Variants in BPNT1 observed in about 807,000 individuals in gnomAD.
BPNT1 encodes the protein 3'(2'), 5'-bisphosphate nucleotidase 1, also known as 3'(2'),5'-bisphosphate nucleotidase 1.
BPNT1 carries 28 observed loss-of-function variants against 36.9 expected under a neutral mutation model. The observed-to-expected ratio is 0.76, with a 90% CI of 0.56 to 1.04. The LOEUF is 1.04. Ranked by LOEUF, BPNT1 falls within the 50% of genes least tolerant of loss-of-function variation. The pLI is 0.00. For synonymous variants in BPNT1, 119 were observed against 130.9 expected (o/e 0.91, Z 0.62); for missense variants, 313 against 372.9 (o/e 0.84, Z 1.32).
intron 5 of BPNT1, among the ~76,000 whole-genome samples, chr1:220,069,064 T>C (rs1361963120): frequency 6.6e-6 from 1 of 152,180 alleles, no homozygotes; most frequent in African/African-American, 2.4e-5. Flanking sequence ...GTACTCGTTA[T>C]CGTTTTTCTA....
chr1:220,078,105 T>A (rs1040669211), intron 2 of BPNT1, among the ~76,000 whole-genome samples: 1 of 150,766 alleles, frequency 6.6e-6, no homozygotes, highest in Non-Finnish European at 1.5e-5. Flanking sequence ...AGCCCAGAGC[T>A]TGAGGCTGCA....
chr1:220,084,057 G>A (rs1327604667), intron 1 of BPNT1, among the ~76,000 whole-genome samples: 1 of 152,140 alleles, frequency 6.6e-6, no homozygotes, highest in Non-Finnish European at 1.5e-5. Context: ...ATAGGGCGGG[G>A]CGCAGTGGCT....
intron 4 of BPNT1, among the ~76,000 whole-genome samples, chr1:220,070,922 G>C (rs1007878809): frequency 6.6e-6 from 1 of 150,838 alleles, no homozygotes; most frequent in South Asian, 2.1e-4. Context: ...CAGATCACCT[G>C]AGGTCGAGAG....
chr1:220,072,959 T>G lies in BPNT1; in HGVS notation c.226-2A>C. 3.1e-6 allele frequency: 5 copies of G among 1,612,110 alleles called. No individual in the cohort carries two copies. ...ATCCACTTCCTCAGAAGGCAGATCC[T>G]AAAGCAGAGATAACCCTAATGGTTA... On this transcript the variant is annotated splice_acceptor_variant, in intron 3 of 8. Transcript: ENST00000322067. LOFTEE classifies it high-confidence loss of function.
intron 6 of BPNT1, 105 bp from the exon 7 acceptor site, chr1:220,063,059 A>G: frequency 7.6e-7 from 1 of 1,314,382 alleles, no homozygotes; most frequent in Non-Finnish European, 1.1e-6. Context: ...AAAAAATAAA[A>G]ACATGATAGC....
intron 4 of BPNT1, among the ~76,000 whole-genome samples, chr1:220,072,479 T>A (rs1293221987): frequency 6.6e-6 from 1 of 152,118 alleles, no homozygotes; most frequent in Non-Finnish European, 1.5e-5. Context: ...CATACCTGGC[T>A]AATTTTTGTA....
chr1:220,081,542 C>CAAAAAAAAAAAAAAAAAAAAAAAA (rs961741061), intron 1 of BPNT1, among the ~76,000 whole-genome samples: 1 of 135,454 alleles, frequency 7.4e-6, no homozygotes, highest in African/African-American at 2.7e-5. Flanking sequence ...GAGTCCGTCT[C>CAAAAAAAAAAAAAAAAAAAAAAAA]AAAAAAAAAA....
intron 1 of BPNT1, among the ~76,000 whole-genome samples, chr1:220,082,085 TAGAGAGAGAGAGAGAG>T (rs3055555): frequency 2.9e-5 from 3 of 103,294 alleles, no homozygotes; most frequent in African/African-American, 7.6e-5. Flanking sequence ...TATATATATA[TAGAGAGAGAGAGAGAG>T]AGAGAGAGAG....
intron 5 of BPNT1, among the ~76,000 whole-genome samples, chr1:220,068,177 A>G (rs570038530): frequency 6.6e-6 from 1 of 152,136 alleles, no homozygotes; most frequent in South Asian, 2.1e-4. Flanking sequence ...CATCATCATC[A>G]TTATTATTCT....
chr1:220,075,632 A>T (rs1457034207), intron 2 of BPNT1, among the ~76,000 whole-genome samples: 1 of 152,196 alleles, frequency 6.6e-6, no homozygotes, highest in Non-Finnish European at 1.5e-5. Flanking sequence ...AAAAAGACAC[A>T]TTGAAAGCCA....
chr1:220,059,659 G>T (rs1246831452), intron 8 of BPNT1, 27 bp downstream of exon 8: 1 of 1,484,840 alleles, frequency 6.7e-7, no homozygotes, highest in Middle Eastern at 1.8e-4. Flanking sequence ...GAAAAACTAT[G>T]AATTTCCTCA....
At chr1:220,083,691 CA>C (rs1655437068) in intron 1 of BPNT1, among the ~76,000 whole-genome samples, 1 of 152,116 alleles carries the variant, frequency 6.6e-6, no homozygotes, top group South Asian at 2.1e-4. Context: ...GGATTTTTTC[CA>C]ACCAAATGCG....
At position 220,084,592 on chromosome 1, in the gene BPNT1, G is replaced by T. The variant is rs771926206; in HGVS notation, c.-8-4738C>A. ...GGAAGATCACCTTCCCTCACTGTAT[G>T]GTGTTGTTATAACTTTTCATAGATA... is the stretch of plus-strand genomic sequence containing the variant. On this transcript the variant is annotated intron_variant, in intron 1 of 8. Transcript: ENST00000322067. Among the ~76,000 whole-genome samples the T allele has an allele frequency of 3.0e-4, 45 of 152,056 alleles. 1 individual carries two copies. Among genetic ancestry groups the T allele is most frequent in the Non-Finnish European group, 6.3e-4 (43 of 68,014 alleles).
chr1:220,068,829 C>T (rs930262129), intron 5 of BPNT1, among the ~76,000 whole-genome samples: 2 of 152,162 alleles, frequency 1.3e-5, no homozygotes, highest in African/African-American at 2.4e-5. Flanking sequence ...AAACCTAAAA[C>T]TCTGGCTCTG....
chr1:220,086,961 T>G (rs1655789803), intron 1 of BPNT1, among the ~76,000 whole-genome samples: 1 of 147,756 alleles, frequency 6.8e-6, no homozygotes, highest in Non-Finnish European at 1.5e-5. Context: ...GCAGGAGAAT[T>G]GCTCGAACTT....
chr1:220,081,320 C>T (rs922881011), intron 1 of BPNT1, among the ~76,000 whole-genome samples: 1 of 152,132 alleles, frequency 6.6e-6, no homozygotes, highest in Non-Finnish European at 1.5e-5. Context: ...AGATGGGCAG[C>T]TCACCTGAGG....
chr1:220,062,270 T>C (rs1439862891), intron 7 of BPNT1, among the ~76,000 whole-genome samples: 1 of 149,182 alleles, frequency 6.7e-6, no homozygotes, highest in African/African-American at 2.5e-5. Flanking sequence ...ATTAGGTATA[T>C]CTCCCAATGC....
chr1:220,086,979 G>A (rs138966701), intron 1 of BPNT1, among the ~76,000 whole-genome samples: 7,667 of 147,140 alleles, frequency 0.052, 291 homozygotes, highest in Middle Eastern at 0.11. Flanking sequence ...CTTGGGAGGC[G>A]GAGGTTGCAG....
intron 4 of BPNT1, among the ~76,000 whole-genome samples, chr1:220,070,159 A>C (rs1211024138): frequency 2.0e-5 from 3 of 152,214 alleles, no homozygotes. Flanking sequence ...TCTTAAGGAC[A>C]CAGTCCATAC....
Sources: allele counts gnomAD v4.1 joint callset (sites outside exome capture counted in the v4.1 genomes callset), GRCh38; gene constraint gnomAD v4.1.1; transcripts MANE v1.5; gene names NCBI Gene and HGNC (gene_info 2026-07-23, HGNC 2026-07-21).